The following ASCC3 variants were observed in gnomAD, a reference collection of about 807,000 sequenced individuals.
The protein encoded by ASCC3 is activating signal cointegrator 1 complex subunit 3.
Under a neutral mutation model 256.3 loss-of-function variants are expected in ASCC3, and 158 were observed. That is an observed-to-expected ratio of 0.62 (90% CI 0.54 to 0.70). The LOEUF is 0.70. ASCC3 is among the 30% of genes least tolerant of loss of function. The probability of loss-of-function intolerance (pLI) is 0.00; values close to 1 mark genes in which losing one functional copy is unlikely to be tolerated. For missense variants in ASCC3, 2,259 were observed against 2,626.0 expected (o/e 0.86, Z 3.05); for synonymous variants, 948 against 883.4 (o/e 1.07, Z -1.30).
At chr6:100,738,281 GA>G (rs1780274678) in intron 10 of ASCC3, among the ~76,000 whole-genome samples, 1 of 152,154 alleles carries the variant, frequency 6.6e-6, no homozygotes, top group Non-Finnish European at 1.5e-5. Context: ...TTTTTGTCAT[GA>G]AATATTTGCC....
At chr6:100,845,881 G>A (rs1772358640) in intron 4 of ASCC3, among the ~76,000 whole-genome samples, 1 of 152,112 alleles carries the variant, frequency 6.6e-6, no homozygotes, top group African/African-American at 2.4e-5. Context: ...GGAAACCACA[G>A]GTTGAGAAGA....
At position 100,544,571 on chromosome 6, in the gene ASCC3, T is replaced by C. The variant is rs2114671909; in HGVS notation, c.5551-4184A>G. 2.0e-5 allele frequency among the ~76,000 whole-genome samples: 3 copies of C among 151,662 alleles called. No individual in the cohort carries two copies. The South Asian group carries it at 6.2e-4, about 32-fold the overall frequency. ...TTTACCTGTAAAAACTAAGATGAAA[T>C]AGATAAACTCCTTGAAAGACAAAAA... On this transcript the variant is annotated intron_variant, in intron 36 of 41. Transcript: ENST00000369162.
intron 10 of ASCC3, among the ~76,000 whole-genome samples, chr6:100,754,838 A>G (rs561287935): frequency 6.6e-6 from 1 of 152,192 alleles, no homozygotes; most frequent in South Asian, 2.1e-4. Context: ...TGCTGTTCTC[A>G]TAATAGTGAA....
At position 100,767,164 on chromosome 6, in the gene ASCC3, A is replaced by G. The variant is rs763835377; in HGVS notation, c.1577T>C (p.Ile526Thr). 4 of 1,613,946 alleles carry G rather than the reference A, an allele frequency of 2.5e-6. No homozygotes were observed. The highest frequency in any genetic ancestry group is 2.2e-5 in the South Asian group (2 of 91,084). ...ACTTACCTTAAATTCATTCTTTTTG[A>G]TAACACCTTGTTGAAAATGTTGGCG... ...EIRQHFQQGV[I>T]KKNEFKIVYV... Residue 526 changes from isoleucine to threonine, a missense_variant, in exon 9 of 42, where the codon ATC becomes ACC. Coordinates refer to ENST00000369162, the MANE Select transcript of ASCC3 (RefSeq NM_006828.4).
intron 10 of ASCC3, among the ~76,000 whole-genome samples, chr6:100,750,625 A>G (rs1582807178): frequency 1.3e-5 from 2 of 152,074 alleles, no homozygotes; most frequent in Admixed American, 6.6e-5. Flanking sequence ...AACCAGATCT[A>G]CATCTCCTTA....
intron 10 of ASCC3, among the ~76,000 whole-genome samples, chr6:100,756,016 A>AT (rs35532374): frequency 6.6e-5 from 10 of 152,016 alleles, no homozygotes; most frequent in African/African-American, 2.4e-4. Flanking sequence ...TCATTAGGAG[A>AT]TTTTTAAGAT....
rs183822553 is a variant in ASCC3 at position 100,546,184 on chromosome 6, T to A, written c.5551-5797A>T. On this transcript the variant is annotated intron_variant, in intron 36 of 41. Transcript: ENST00000369162. ...TATGAAGTACACTTAGAGATGAATC[T>A]GATAAAAATATGAAAACCTGGATAT... is the stretch of plus-strand genomic sequence containing the variant. 1.6e-4 allele frequency among the ~76,000 whole-genome samples: 24 copies of A among 152,256 alleles called. No homozygotes were observed. In the East Asian group the frequency reaches 4.4e-3, roughly 28 times the overall value.
At chr6:100,617,287 C>T (rs1033995217) in intron 30 of ASCC3, among the ~76,000 whole-genome samples, 20 of 152,036 alleles carry the variant, frequency 1.3e-4, no homozygotes, top group African/African-American at 4.1e-4. Flanking sequence ...GGATTACAGG[C>T]GTGAGCCACC....
chr6:100,659,073 AT>A (rs1776060459), intron 16 of ASCC3, among the ~76,000 whole-genome samples: 1 of 151,418 alleles, frequency 6.6e-6, no homozygotes, highest in Admixed American at 6.6e-5. Flanking sequence ...ACATGTTTGC[AT>A]TGAAATTATA....
At chr6:100,777,877 G>A (rs1782263798) in intron 8 of ASCC3, among the ~76,000 whole-genome samples, 1 of 152,082 alleles carries the variant, frequency 6.6e-6, no homozygotes, top group South Asian at 2.1e-4. Context: ...AGGATTTTAA[G>A]TAGAAGAATA....
chr6:100,709,992 A>G (rs982889658), intron 13 of ASCC3, among the ~76,000 whole-genome samples: 2 of 152,188 alleles, frequency 1.3e-5, no homozygotes, highest in African/African-American at 4.8e-5. Context: ...TAATCATTCA[A>G]AAACAGAAAC....
intron 36 of ASCC3, among the ~76,000 whole-genome samples, chr6:100,584,586 T>C (rs1771535643): frequency 6.6e-6 from 1 of 152,182 alleles, no homozygotes; most frequent in African/African-American, 2.4e-5. Context: ...CATTTACATT[T>C]AAAGTTAATA....
In ASCC3 at chr6:100,508,507, A is replaced by T. The variant is rs1210223924; in HGVS notation, c.*879T>A. 2 of 152,110 alleles carry T rather than the reference A, an allele frequency of 1.3e-5. No individual in the cohort carries two copies. Among genetic ancestry groups the T allele is most frequent in the East Asian group, 3.8e-4 (2 of 5,198 alleles). The allele number at this position is 152,110 out of a possible 1,614,324, so 9.4% of individuals were successfully genotyped here. A position where few individuals can be genotyped will look rare whatever the true frequency, so the allele number is the denominator to read the frequency against. ...GAAAACCTATCCATAGGGGTGAAAA[A>T]TTTTCTGTCTCAGATTTTTCCTGGA... On this transcript the variant is annotated 3_prime_UTR_variant, in exon 42 of 42. Transcript: ENST00000369162.
intron 11 of ASCC3, among the ~76,000 whole-genome samples, 184 bp downstream of exon 11, chr6:100,725,355 T>C (rs544050121): frequency 1.3e-5 from 2 of 152,078 alleles, no homozygotes; most frequent in African/African-American, 2.4e-5. Flanking sequence ...GTTTGGGCTA[T>C]TTATGAATAG....
intron 5 of ASCC3, among the ~76,000 whole-genome samples, chr6:100,804,334 T>A (rs1770062197): frequency 6.6e-6 from 1 of 152,000 alleles, no homozygotes; most frequent in African/African-American, 2.4e-5. Context: ...CTTGTAACTT[T>A]AAGTTTGAAA....
chr6:100,596,014 T>C (rs185802164), intron 34 of ASCC3, among the ~76,000 whole-genome samples: 1 of 152,308 alleles, frequency 6.6e-6, no homozygotes, highest in African/African-American at 2.4e-5. Flanking sequence ...AAATATTCCT[T>C]AGAATTGTGC....
chr6:100,667,388 A>G (rs1776531415), intron 14 of ASCC3, among the ~76,000 whole-genome samples: 1 of 152,154 alleles, frequency 6.6e-6, no homozygotes, highest in Non-Finnish European at 1.5e-5. Context: ...AAGAAAATTA[A>G]GCTAGAAAAA....
intron 13 of ASCC3, among the ~76,000 whole-genome samples, chr6:100,694,749 T>C (rs1483371935): frequency 6.6e-6 from 1 of 152,090 alleles, no homozygotes; most frequent in African/African-American, 2.4e-5. Flanking sequence ...TTTCAAGATG[T>C]CCACAGAGTA....
chr6:100,836,871 T>C (rs182386572), intron 4 of ASCC3, among the ~76,000 whole-genome samples: 14 of 152,260 alleles, frequency 9.2e-5, no homozygotes, highest in Non-Finnish European at 1.8e-4. Context: ...ATCCTGGAAT[T>C]TTCTTTGATG....
Sources: allele counts gnomAD v4.1 joint callset (sites outside exome capture counted in the v4.1 genomes callset), GRCh38; gene constraint gnomAD v4.1.1; transcripts MANE v1.5; gene names NCBI Gene and HGNC (gene_info 2026-07-23, HGNC 2026-07-21).